The following SMYD4 variants were observed in gnomAD, a reference collection of about 807,000 sequenced individuals.
SMYD4 encodes the protein protein-lysine N-methyltransferase SMYD4.
A neutral mutation model predicts 72.8 loss-of-function variants in SMYD4; 68 were observed. The observed-to-expected ratio is 0.93, with a 90% confidence interval of 0.77 to 1.14. SMYD4 has a LOEUF of 1.14. Ranked by LOEUF, SMYD4 falls within the 50% of genes most tolerant of loss-of-function variation. SMYD4 has a pLI of 0.00. For synonymous variants in SMYD4, 407 were observed against 388.6 expected, an observed-to-expected ratio of 1.05 and a Z score of -0.56; for missense variants, 984 against 1,003.7, an observed-to-expected ratio of 0.98 and a Z score of 0.27.
chr17:1,783,133 A>G lies in SMYD4; in HGVS notation c.2163T>C (p.His721=). The G allele has an allele frequency of 6.2e-7, 1 of 1,614,144 alleles. No homozygotes were observed. Among genetic ancestry groups the G allele is most frequent in the Non-Finnish European group, 8.5e-7 (1 of 1,180,020 alleles). Residue 721 remains histidine, a synonymous_variant, in exon 10 of 11, where the codon CAT becomes CAC. Coordinates refer to ENST00000305513, the MANE Select transcript of SMYD4 (RefSeq NM_052928.3). ...ALGDWQKSAT[H]LQRSLYVVEV... The stretch of plus-strand genomic sequence containing the variant: ...CCACCACGTAGAGACTCCTCTGTAG[A>G]TGGGTGGCTGACTTTTGCCAGTCTC...
chr17:1,783,223 G>C (rs1659592987), intron 9 of SMYD4, 65 bp from the exon 10 acceptor site: 1 of 1,612,968 alleles, frequency 6.2e-7, no homozygotes, highest in Non-Finnish European at 8.5e-7. Context: ...CATATTTTCA[G>C]GGGGAGGAAA....
At position 1,782,785 on chromosome 17, in the gene SMYD4, G is replaced by A. The variant is rs1246737083; in HGVS notation, c.2261+250C>T. On this transcript the variant is annotated intron_variant, in intron 10 of 10. Transcript: ENST00000305513. ...GGAAATTCTTTTTTTTTTTTTTTTT[G>A]AGATGGAGTCTCGCTCTGTCGCCCA... is the stretch of plus-strand genomic sequence containing the variant. 8 of 105,002 alleles carry A rather than the reference G, an allele frequency of 7.6e-5. No individual in the cohort carries two copies. In the East Asian group the frequency reaches 1.3e-3, roughly 17 times the overall value. The allele number at this position is 105,002 out of a possible 1,614,324, so 6.5% of individuals were successfully genotyped here.
At chr17:1,826,922 G>A (rs979476658) in intron 2 of SMYD4, among the ~76,000 whole-genome samples, 2 of 152,018 alleles carry the variant, frequency 1.3e-5, no homozygotes, top group East Asian at 1.9e-4. Flanking sequence ...AGGCTGAGGC[G>A]GGCGGATCAT....
intron 4 of SMYD4, among the ~76,000 whole-genome samples, chr17:1,803,016 C>T (rs957834026): frequency 7.9e-5 from 12 of 152,118 alleles, no homozygotes; most frequent in African/African-American, 2.2e-4. Flanking sequence ...TGGTGGTGCA[C>T]GCCTGTAGTC....
At position 1,820,769 on chromosome 17, in the gene SMYD4, T is replaced by C. The variant is rs112411362; in HGVS notation, c.134+7092A>G. On this transcript the variant is annotated intron_variant, in intron 2 of 10. Coordinates refer to ENST00000305513, the MANE Select transcript of SMYD4 (RefSeq NM_052928.3). ...GTCGTGTGTCTCAAAAGGTTTTCAATAGATGAAAGGCATCTCTTGTGGGAA... is the reference window on the plus strand; with the variant it reads ...GTCGTGTGTCTCAAAAGGTTTTCAACAGATGAAAGGCATCTCTTGTGGGAA... Among the ~76,000 whole-genome samples the C allele has an allele frequency of 6.8e-3, 1,031 of 152,294 alleles. 6 individuals carry two copies. Among genetic ancestry groups the C allele is most frequent in the African/African-American group, 0.024 (983 of 41,558 alleles).
At chr17:1,822,553 A>G (rs1379509290) in intron 2 of SMYD4, among the ~76,000 whole-genome samples, 3 of 152,192 alleles carry the variant, frequency 2.0e-5, no homozygotes, top group Non-Finnish European at 4.4e-5. Flanking sequence ...AAGCTCTCCA[A>G]TTCATTCTGA....
intron 3 of SMYD4, among the ~76,000 whole-genome samples, chr17:1,807,662 C>T (rs1355245976): frequency 6.6e-6 from 1 of 152,210 alleles, no homozygotes; most frequent in Non-Finnish European, 1.5e-5. Context: ...CGCGCCCGGC[C>T]TGAGGACGCT....
intron 5 of SMYD4, among the ~76,000 whole-genome samples, chr17:1,794,170 T>C (rs867305544): frequency 9.3e-4 from 121 of 129,630 alleles, no homozygotes; most frequent in African/African-American, 3.5e-3. Context: ...AGTACAGTGG[T>C]GTGATCTTGG....
chr17:1,815,156 C>T (rs956646650), intron 2 of SMYD4, among the ~76,000 whole-genome samples: 18 of 151,854 alleles, frequency 1.2e-4, no homozygotes, highest in East Asian at 9.7e-4. Context: ...ATCTGCCTTC[C>T]GGGTTCAAGT....
At chr17:1,804,825 T>G in intron 3 of SMYD4, 110 bp from the exon 4 acceptor site, 1 of 1,027,880 alleles carries the variant, frequency 9.7e-7, no homozygotes, top group Non-Finnish European at 1.5e-6. Flanking sequence ...ACTGGGAAAG[T>G]TACTGAACCT....
intron 5 of SMYD4, among the ~76,000 whole-genome samples, chr17:1,788,728 G>T (rs961205679): frequency 1.3e-5 from 2 of 151,732 alleles, no homozygotes; most frequent in African/African-American, 4.8e-5. Flanking sequence ...GACAACAAGA[G>T]TGAGACCCCG....
chr17:1,804,574 G>C, intron 4 of SMYD4, 52 bp downstream of exon 4: 1 of 1,519,066 alleles, frequency 6.6e-7, no homozygotes, highest in Non-Finnish European at 9.1e-7. Flanking sequence ...TAGTCCTCCA[G>C]TAAGAAGCCC....
intron 5 of SMYD4, among the ~76,000 whole-genome samples, chr17:1,798,564 A>T (rs955656560): frequency 1.3e-5 from 2 of 151,594 alleles, no homozygotes; most frequent in African/African-American, 4.8e-5. Flanking sequence ...GGAGTTCAAG[A>T]CCAGCCTGGG....
chr17:1,796,502 T>C (rs577363391), intron 5 of SMYD4, among the ~76,000 whole-genome samples: 13 of 151,532 alleles, frequency 8.6e-5, no homozygotes, highest in Non-Finnish European at 1.3e-4. Context: ...AGTGGCGTGA[T>C]CTCGGCTCAC....
intron 2 of SMYD4, among the ~76,000 whole-genome samples, chr17:1,820,727 G>A (rs180719111): frequency 6.6e-6 from 1 of 152,302 alleles, no homozygotes; most frequent in East Asian, 1.9e-4. Context: ...TGGAGAGGTA[G>A]GGGTGGACAG....
At chr17:1,799,824 A>T (rs777892928) in intron 5 of SMYD4, 33 bp downstream of exon 5, 4 of 1,519,522 alleles carry the variant, frequency 2.6e-6, no homozygotes, top group Admixed American at 4.2e-5. Context: ...CGAGAACAAT[A>T]TTGAAAAGCA....
chr17:1,798,193 C>T (rs377086211), intron 5 of SMYD4, among the ~76,000 whole-genome samples: 2 of 149,864 alleles, frequency 1.3e-5, no homozygotes, highest in Non-Finnish European at 3.0e-5. Context: ...TGCATCGGTG[C>T]GATCATGGCT....
At chr17:1,782,928 T>C in intron 10 of SMYD4, 107 bp downstream of exon 10, 1 of 1,484,610 alleles carries the variant, frequency 6.7e-7, no homozygotes, top group Non-Finnish European at 9.1e-7. Flanking sequence ...AAAGAGGAAA[T>C]AAAGAAGTTT....
chr17:1,808,563 A>C (rs1182140530), intron 3 of SMYD4, among the ~76,000 whole-genome samples: 1 of 152,160 alleles, frequency 6.6e-6, no homozygotes, highest in Non-Finnish European at 1.5e-5. Flanking sequence ...CAAAAACAAC[A>C]AATATTTTTA....
Sources: gnomAD v4.1 joint callset for allele counts (sites outside exome capture counted in the v4.1 genomes callset) on GRCh38, gnomAD v4.1.1 for gene constraint, MANE v1.5 for transcripts, NCBI Gene and HGNC (gene_info 2026-07-23, HGNC 2026-07-21) for gene names.